MYO5C: variants seen among roughly 807,000 people sequenced by gnomAD.
MYO5C encodes the protein unconventional myosin-Vc.
In MYO5C, 194 loss-of-function variants were observed where a neutral mutation model predicts 235.7. The ratio of observed to expected loss-of-function variants is 0.82; its 90% CI spans 0.73 to 0.93. MYO5C has a LOEUF of 0.93. MYO5C is among the 40% of genes least tolerant of loss of function. MYO5C has a pLI of 0.00. For missense variants in MYO5C, 2,038 were observed against 2,127.2 expected (o/e 0.96, Z 0.82); for synonymous variants, 707 against 754.8 (o/e 0.94, Z 1.04).
At chr15:52,290,116 C>T (rs1489226363) in intron 1 of MYO5C, among the ~76,000 whole-genome samples, 1 of 152,090 alleles carries the variant, frequency 6.6e-6, no homozygotes, top group Non-Finnish European at 1.5e-5. Context: ...TCTAGGCTGC[C>T]TCCCATCTCC....
At chr15:52,217,875 G>A (rs553206052) in intron 32 of MYO5C, among the ~76,000 whole-genome samples, 9 of 152,158 alleles carry the variant, frequency 5.9e-5, no homozygotes, top group African/African-American at 1.9e-4. Context: ...CTCAGGTTTC[G>A]AAGGGGCCCG....
rs199654240 is a variant in MYO5C at position 52,232,333 on chromosome 15, GAA to G, written c.3026+287_3026+288del. 5.3e-5 allele frequency among the ~76,000 whole-genome samples: 8 copies of G among 150,716 alleles called. 1 individual carries two copies. The highest frequency in any genetic ancestry group is 4.0e-4 in the Admixed American group (6 of 15,078). Reference sequence around the variant, plus strand: ...GGAAGGAGAGAAGGAAGGAAGGAGAGAAAGAAAGAAGAGAAAGAAAGAAAGGA... The same window carrying G: ...GGAAGGAGAGAAGGAAGGAAGGAGAGAGAAAGAAGAGAAAGAAAGAAAGGA... On this transcript the variant is annotated intron_variant, in intron 24 of 40. Transcript: ENST00000261839.
chr15:52,281,387 T>C (rs1042566196), intron 2 of MYO5C, among the ~76,000 whole-genome samples: 3 of 152,240 alleles, frequency 2.0e-5, no homozygotes, highest in Non-Finnish European at 4.4e-5. Context: ...TGTAGCCACC[T>C]GAAGCCCTGC....
chr15:52,256,015 T>G (rs1046689402), intron 11 of MYO5C, among the ~76,000 whole-genome samples: 1 of 152,224 alleles, frequency 6.6e-6, no homozygotes, highest in African/African-American at 2.4e-5. Flanking sequence ...CATAATCCAT[T>G]GGCCATCTGC....
At chr15:52,248,636 T>C in intron 14 of MYO5C, 64 bp downstream of exon 14, 1 of 1,129,756 alleles carries the variant, frequency 8.9e-7, no homozygotes, top group South Asian at 1.3e-5. Context: ...TACTCTTTCC[T>C]TATATACATC....
chr15:52,270,240 C>T (rs1445253201), intron 7 of MYO5C, among the ~76,000 whole-genome samples: 1 of 152,180 alleles, frequency 6.6e-6, no homozygotes, highest in Admixed American at 6.5e-5. Context: ...CGTGCTGGCG[C>T]TACTGCACCC....
rs2034950647 is a variant in MYO5C, at chr15:52,192,546, G to A, written c.*1356C>T. 6.6e-6 allele frequency: 1 copy of A among 152,184 alleles called. No individual in the cohort carries two copies. The highest frequency in any genetic ancestry group is 2.4e-5 in the African/African-American group (1 of 41,444). The allele number at this position is 152,184 out of a possible 1,614,324, so 9.4% of individuals were successfully genotyped here. A position where few individuals can be genotyped will look rare whatever the true frequency, so the allele number is the denominator to read the frequency against. The stretch of plus-strand genomic sequence containing the variant: ...CCTGTGACTGTCAGAAACAGAAGGT[G>A]CAATTGGGATTCTTAGGTTGGTGAC... On this transcript the variant is annotated 3_prime_UTR_variant, in exon 41 of 41. Transcript: ENST00000261839.
At chr15:52,291,178 C>T (rs138786661) in intron 1 of MYO5C, among the ~76,000 whole-genome samples, 18 of 152,294 alleles carry the variant, frequency 1.2e-4, no homozygotes, top group African/African-American at 3.8e-4. Context: ...AGAAGTTGCA[C>T]CGTACTCATG....
chr15:52,277,818 G>A (rs943911904), intron 4 of MYO5C: 1 of 454,542 alleles, frequency 2.2e-6, no homozygotes, highest in African/African-American at 2.0e-5. Context: ...TCAGACATCT[G>A]TGCAGGAAAG....
chr15:52,257,752 A>G (rs2036613407), intron 10 of MYO5C, among the ~76,000 whole-genome samples: 1 of 152,214 alleles, frequency 6.6e-6, no homozygotes. Context: ...GGTGCCAGAA[A>G]TGCAATTCGA....
intron 24 of MYO5C, among the ~76,000 whole-genome samples, chr15:52,232,009 A>C (rs768376939): frequency 1.3e-5 from 2 of 151,924 alleles, no homozygotes; most frequent in Non-Finnish European, 2.9e-5. Context: ...AGGGAGGTTT[A>C]TTTCCTAGGC....
chr15:52,212,248 CCA>C (rs1292820199), intron 34 of MYO5C, among the ~76,000 whole-genome samples: 5 of 152,184 alleles, frequency 3.3e-5, no homozygotes, highest in Non-Finnish European at 1.5e-5. Flanking sequence ...CGTACAGTGT[CCA>C]CAGTCACATG....
chr15:52,286,500 G>C (rs968056310), intron 1 of MYO5C, among the ~76,000 whole-genome samples: 1 of 151,960 alleles, frequency 6.6e-6, no homozygotes. Flanking sequence ...GAATAGAAAG[G>C]GGGGAAAGGT....
chr15:52,292,526 C>T (rs990805693), intron 1 of MYO5C, among the ~76,000 whole-genome samples: 5 of 152,212 alleles, frequency 3.3e-5, no homozygotes, highest in African/African-American at 1.2e-4. Flanking sequence ...AGAGGCGGCA[C>T]ATGAAACTCT....
rs770877536 is a variant in MYO5C, at chr15:52,239,718, A to C, written c.2703+15T>G. 3.8e-6 allele frequency: 6 copies of C among 1,579,108 alleles called. No individual in the cohort carries two copies. In the East Asian group the frequency reaches 9.1e-5, roughly 24 times the overall value. Reference sequence around the variant, plus strand: ...AAGAAAAAGTAAATGTAAAAGATGCACTATGAGCACCTACCTGATCTTCCA... The same window carrying C: ...AAGAAAAAGTAAATGTAAAAGATGCCCTATGAGCACCTACCTGATCTTCCA... On this transcript the variant is annotated intron_variant, in intron 21 of 40. Coordinates refer to ENST00000261839, the MANE Select transcript of MYO5C (RefSeq NM_018728.4).
intron 18 of MYO5C, among the ~76,000 whole-genome samples, chr15:52,244,847 T>C (rs6493550): frequency 1 from 152,295 of 152,372 alleles, 76,109 homozygotes; most frequent in Non-Finnish European, 1. Flanking sequence ...GCCAGAGAAC[T>C]TCAGCCACTC....
At chr15:52,239,635 T>G in intron 21 of MYO5C, 98 bp downstream of exon 21, 1 of 1,329,238 alleles carries the variant, frequency 7.5e-7, no homozygotes. Context: ...CCTCCTAACA[T>G]GGCATAAATT....
chr15:52,278,938 C>T lies in MYO5C; in HGVS notation c.384G>A (p.Gln128=), dbSNP rs371845956. 1 of 1,614,044 alleles carries T rather than the reference C, an allele frequency of 6.2e-7. No homozygotes were observed. Among genetic ancestry groups the T allele is most frequent in the African/African-American group, 1.3e-5 (1 of 74,914 alleles). The change falls in exon 4 of 41, where the codon CAG becomes CAA. Residue 128 remains glutamine (Q), a synonymous_variant. Transcript: ENST00000261839. ...TGTGTGGGTCCATATCGCCCATGTTCTGCCCGCTGTAGGCGTGGATGATGG... is the reference window on the plus strand; with the variant it reads ...TGTGTGGGTCCATATCGCCCATGTTTTGCCCGCTGTAGGCGTGGATGATGG... The part of the protein sequence containing the change: ...GDAIIHAYSG[Q]NMGDMDPHIF...
intron 9 of MYO5C, among the ~76,000 whole-genome samples, chr15:52,261,349 C>A (rs556752416): frequency 6.6e-6 from 1 of 152,362 alleles, no homozygotes; most frequent in South Asian, 2.1e-4. Context: ...ACCACCCCTG[C>A]AGCAATGCCA....
Sources: gnomAD v4.1 joint callset for allele counts (sites outside exome capture counted in the v4.1 genomes callset) on GRCh38, gnomAD v4.1.1 for gene constraint, MANE v1.5 for transcripts, NCBI Gene and HGNC (gene_info 2026-07-23, HGNC 2026-07-21) for gene names.